Variants in DRC9 observed in about 807,000 individuals in gnomAD.
DRC9 encodes dynein regulatory complex subunit 9, also known as dynein regulatory complex protein 9.
chr3:197,900,614 G>A, the DRC9 span, among the ~76,000 whole-genome samples: 1 of 150,864 alleles, frequency 6.6e-6, no homozygotes. The surrounding 1 kb of genome is among the most constrained non-coding windows in gnomAD (Gnocchi z 4.7). Context: ...GCACTCGGCA[G>A]AGGATACCAG....
chr3:197,943,668 A>G, the DRC9 span: 20 of 889,322 alleles, frequency 2.2e-5, no homozygotes, highest in Non-Finnish European at 2.7e-5. Context: ...AAAGAAGGAA[A>G]GAGAGAGAGA....
chr3:197,897,754 T>G, the DRC9 span, among the ~76,000 whole-genome samples: 1 of 150,670 alleles, frequency 6.6e-6, no homozygotes, highest in African/African-American at 2.4e-5. Context: ...CTTGACAAAT[T>G]CCAACAAGCA....
the DRC9 span, among the ~76,000 whole-genome samples, chr3:197,912,108 T>C: frequency 2.0e-5 from 3 of 152,082 alleles, no homozygotes; most frequent in African/African-American, 7.2e-5. Context: ...TGGCGTGATC[T>C]CAGCTCACTG....
the DRC9 span, among the ~76,000 whole-genome samples, chr3:197,952,177 T>TG: frequency 7.1e-6 from 1 of 140,484 alleles, no homozygotes; most frequent in South Asian, 2.4e-4. Flanking sequence ...TTTTTTTTTT[T>TG]TTTTTTTTTT....
the DRC9 span, chr3:197,957,746 A>C: frequency 1.3e-5 from 2 of 152,266 alleles, no homozygotes; most frequent in African/African-American, 4.8e-5. Flanking sequence ...CACCCACTCC[A>C]AAAGGCCAAC....
chr3:197,913,561 C>T, the DRC9 span: 6 of 485,484 alleles, frequency 1.2e-5, no homozygotes, highest in South Asian at 1.4e-4. Flanking sequence ...TAACTAAGCA[C>T]CTCGTTTTGC....
the DRC9 span, chr3:197,938,654 C>G: frequency 6.2e-7 from 1 of 1,614,130 alleles, no homozygotes; most frequent in Non-Finnish European, 8.5e-7. Flanking sequence ...GCGAACCGGC[C>G]TCTGTGTCTG....
At chr3:197,953,684 C>T in the DRC9 span, 1 of 439,546 alleles carries the variant, frequency 2.3e-6, no homozygotes. Context: ...TCTGTACACA[C>T]AAATATCCTC....
the DRC9 span, chr3:197,950,540 G>A: frequency 9.6e-6 from 3 of 313,552 alleles, no homozygotes; most frequent in Non-Finnish European, 1.7e-5. Context: ...ACCTTCCTTG[G>A]CTTGTCTGAC....
chr3:197,946,084 T>C, the DRC9 span, among the ~76,000 whole-genome samples: 1 of 152,218 alleles, frequency 6.6e-6, no homozygotes, highest in Non-Finnish European at 1.5e-5. Flanking sequence ...CTCTGCCAGA[T>C]AACAGAATTT....
At chr3:197,941,513 T>C in the DRC9 span, among the ~76,000 whole-genome samples, 20 of 82,556 alleles carry the variant, frequency 2.4e-4, no homozygotes, top group African/African-American at 2.5e-4. Flanking sequence ...CTCCCTTCCT[T>C]CCTTCCTTTC....
the DRC9 span, among the ~76,000 whole-genome samples, chr3:197,933,975 TAA>T: frequency 1.6e-4 from 18 of 109,492 alleles, no homozygotes; most frequent in Admixed American, 2.0e-4. Context: ...CTCACCCAGC[TAA>T]AAAAAAAAAA....
chr3:197,943,649 A>G, the DRC9 span: 83 of 898,296 alleles, frequency 9.2e-5, 1 homozygote, highest in Middle Eastern at 2.5e-3. Flanking sequence ...AAAAAAAAAG[A>G]AAAGAAACAA....
chr3:197,927,785 G>A, the DRC9 span, among the ~76,000 whole-genome samples: 1 of 152,108 alleles, frequency 6.6e-6, no homozygotes, highest in Non-Finnish European at 1.5e-5. Flanking sequence ...CCATAAAAAA[G>A]GATGAGTTCA....
the DRC9 span, among the ~76,000 whole-genome samples, chr3:197,939,240 C>A: frequency 3.9e-4 from 60 of 152,238 alleles, 1 homozygote; most frequent in South Asian, 0.012. Context: ...TTGCTTAGAA[C>A]AATGACTAGC....
the DRC9 span, among the ~76,000 whole-genome samples, chr3:197,922,357 C>T: frequency 6.6e-6 from 1 of 152,140 alleles, no homozygotes; most frequent in Non-Finnish European, 1.5e-5. Flanking sequence ...TGGCAAAGTG[C>T]TAAATCTGAG....
chr3:197,898,999 G>T, the DRC9 span, among the ~76,000 whole-genome samples: 1 of 151,954 alleles, frequency 6.6e-6, no homozygotes, highest in South Asian at 2.1e-4. Flanking sequence ...TTTTAAAATT[G>T]TAAAAAAAAC....
chr3:197,932,303 C>T, the DRC9 span: 18 of 1,608,598 alleles, frequency 1.1e-5, no homozygotes, highest in African/African-American at 2.4e-4. Context: ...GAAAAACTGC[C>T]TGTAAGGAGA....
chr3:197,955,846 C>T, the DRC9 span: 1 of 1,249,982 alleles, frequency 8.0e-7, no homozygotes, highest in Non-Finnish European at 1.2e-6. Flanking sequence ...AACTTACTAC[C>T]TTAAATTGAT....
Sources: allele counts gnomAD v4.1 joint callset (sites outside exome capture counted in the v4.1 genomes callset), GRCh38; gene constraint gnomAD v4.1.1; non-coding constraint Gnocchi (gnomAD v3.1); transcripts MANE v1.5; gene names NCBI Gene and HGNC (gene_info 2026-07-23, HGNC 2026-07-21).